UBE2O: variants seen among roughly 807,000 people sequenced by gnomAD.
UBE2O encodes the protein ubiquitin conjugating enzyme E2 O, also known as (E3-independent) E2 ubiquitin-conjugating enzyme.
UBE2O carries 15 observed loss-of-function variants against 125.8 expected under a neutral mutation model. The observed-to-expected ratio is 0.12, with a 90% CI of 0.08 to 0.18. The LOEUF (loss-of-function observed/expected upper bound fraction) is 0.18. Among genes scored for constraint, UBE2O ranks in the 10% least tolerant of loss-of-function variants. UBE2O has a pLI of 1.00. For synonymous variants in UBE2O, 708 were observed against 703.2 expected (o/e 1.01, Z -0.11); for missense variants, 1,280 against 1,723.6 (o/e 0.74, Z 4.56).
At position 76,395,433 on chromosome 17, in the gene UBE2O, C is replaced by T. The variant is rs2072189926; in HGVS notation, c.2946+292G>A. 1 of 251,620 alleles carries T rather than the reference C, an allele frequency of 4.0e-6. No homozygotes were observed. The highest frequency in any genetic ancestry group is 7.6e-6 in the Non-Finnish European group (1 of 132,278). 15.6% of individuals were successfully genotyped at this position (251,620 alleles called of 1,614,324 possible). On this transcript the variant is annotated intron_variant, in intron 15 of 17. Transcript: ENST00000319380. This position sits in a 1 kb window ranked among gnomAD's most constrained non-coding sequence, Gnocchi z 5.0. ...GGTCTCGATCTCCTGACCTCGTGAT[C>T]CACCCACCTCGGCCTCCCAAAGTGC... is the stretch of plus-strand genomic sequence containing the variant.
chr17:76,420,740 G>A (rs948059362), intron 1 of UBE2O, among the ~76,000 whole-genome samples: 3 of 152,198 alleles, frequency 2.0e-5, no homozygotes, highest in Non-Finnish European at 2.9e-5. Flanking sequence ...CTGGGATCGA[G>A]TGCAAGCTGG....
intron 1 of UBE2O, among the ~76,000 whole-genome samples, chr17:76,451,078 T>C (rs1220155973): frequency 1.3e-5 from 2 of 152,160 alleles, no homozygotes; most frequent in Non-Finnish European, 2.9e-5. Context: ...CTCCCAGTAG[T>C]GAGCTGGGCC....
At chr17:76,437,590 C>CT (rs987424556) in intron 1 of UBE2O, among the ~76,000 whole-genome samples, 7 of 151,872 alleles carry the variant, frequency 4.6e-5, no homozygotes, top group African/African-American at 1.5e-4. Flanking sequence ...ATGTTAATAT[C>CT]TTTTTTGCGA....
At chr17:76,416,496 CAGG>C in intron 1 of UBE2O, among the ~76,000 whole-genome samples, 1 of 152,278 alleles carries the variant, frequency 6.6e-6, no homozygotes, top group Non-Finnish European at 1.5e-5. Context: ...CTATGCTCCC[CAGG>C]AGAAGAGGAG....
chr17:76,411,356 T>A (rs2072512638), intron 1 of UBE2O, among the ~76,000 whole-genome samples: 1 of 152,204 alleles, frequency 6.6e-6, no homozygotes, highest in Admixed American at 6.5e-5. Context: ...TAGGAGCGGA[T>A]GGCTCCTAAA....
chr17:76,393,083 AC>A (rs1051834412), intron 15 of UBE2O, among the ~76,000 whole-genome samples: 3 of 151,360 alleles, frequency 2.0e-5, no homozygotes, highest in African/African-American at 7.3e-5. Context: ...ACATAGTGGG[AC>A]CCTATCTCTA....
At position 76,404,795 on chromosome 17, in the gene UBE2O, G is replaced by A. The variant is rs1384320872; in HGVS notation, c.588+411C>T. Among the ~76,000 whole-genome samples, 1 of 152,076 alleles carries A rather than the reference G, an allele frequency of 6.6e-6. No homozygotes were observed. The highest frequency in any genetic ancestry group is 1.5e-5 in the Non-Finnish European group (1 of 68,026). On this transcript the variant is annotated intron_variant, in intron 3 of 17. Coordinates refer to ENST00000319380, the MANE Select transcript of UBE2O (RefSeq NM_022066.4). The surrounding 1 kb of genome is among the most constrained non-coding windows in gnomAD (Gnocchi z 4.3). ...GGGGGATCTCGGGGAAAAGGAGGGAGGGAAGGTGATGGAGCAAACGAAGTG... is the reference window on the plus strand; with the variant it reads ...GGGGGATCTCGGGGAAAAGGAGGGAAGGAAGGTGATGGAGCAAACGAAGTG...
rs115247474 is a variant in UBE2O at position 76,413,094 on chromosome 17, C to A, written c.418-7522G>T. Among the ~76,000 whole-genome samples, 531 of 152,270 alleles carry A rather than the reference C, an allele frequency of 3.5e-3. 9 individuals are homozygous for A. Among genetic ancestry groups the A allele is most frequent in the African/African-American group, 0.012 (489 of 41,562 alleles). ...GTGGAAGCAGGAAACCTTGCTGAGGCCTAGGATCCCACTTTTTTAGTGATT... is the reference window on the plus strand; with the variant it reads ...GTGGAAGCAGGAAACCTTGCTGAGGACTAGGATCCCACTTTTTTAGTGATT... On this transcript the variant is annotated intron_variant, in intron 1 of 17. Transcript: ENST00000319380.
At chr17:76,430,843 G>A in intron 1 of UBE2O, 1 of 386,364 alleles carries the variant, frequency 2.6e-6, no homozygotes, top group South Asian at 2.2e-5. Context: ...TGATACCTCT[G>A]ACCCTGATGA....
At position 76,426,227 on chromosome 17, in the gene UBE2O, C is replaced by A. The variant is rs528435498; in HGVS notation, c.418-20655G>T. On this transcript the variant is annotated intron_variant, in intron 1 of 17. Transcript: ENST00000319380. ...CCATGTTTCCCAGGCTGGTCTCGAA[C>A]GGGGCTCAAGCGATCCTCCTGTCTT... 5.9e-5 allele frequency among the ~76,000 whole-genome samples: 9 copies of A among 152,276 alleles called. No homozygotes were observed. The South Asian group carries it at 1.9e-3, about 32-fold the overall frequency.
chr17:76,433,506 T>C (rs1391451167), intron 1 of UBE2O, among the ~76,000 whole-genome samples: 1 of 151,254 alleles, frequency 6.6e-6, no homozygotes, highest in Non-Finnish European at 1.5e-5. Flanking sequence ...TAAAATTAGA[T>C]AGCGGTGATG....
At chr17:76,438,355 T>A (rs1363082278) in intron 1 of UBE2O, among the ~76,000 whole-genome samples, 1 of 152,080 alleles carries the variant, frequency 6.6e-6, no homozygotes, top group Non-Finnish European at 1.5e-5. Flanking sequence ...CATATTTTAC[T>A]ACAATTAAAA....
At chr17:76,393,626 G>A (rs1454127514) in intron 15 of UBE2O, among the ~76,000 whole-genome samples, 1 of 152,184 alleles carries the variant, frequency 6.6e-6, no homozygotes, top group Non-Finnish European at 1.5e-5. Context: ...GCAGTTTCAA[G>A]CTGAAAGGCA....
At chr17:76,407,038 G>A (rs1467133443) in intron 1 of UBE2O, among the ~76,000 whole-genome samples, 2 of 152,138 alleles carry the variant, frequency 1.3e-5, no homozygotes, top group South Asian at 2.1e-4. Context: ...GTCCTTAAAC[G>A]CAGGGTTCTT....
rs372330416 is a variant in UBE2O, at chr17:76,398,862, A to G, written c.1758T>C (p.Pro586=). ...CTCGCTTATCTACCACGAAGTCTCC[A>G]GGGCAGAACTCGTTGTTGTCCAGGT... ...VHHLDNNEFC[P]GDFVVDKRVQ... The change falls in exon 10 of 18, where the codon CCT becomes CCC. Residue 586 remains proline (P), a synonymous_variant. Transcript: ENST00000319380. This position sits in a 1 kb window ranked among gnomAD's most constrained non-coding sequence, Gnocchi z 5.4. 62 of 1,613,998 alleles carry G rather than the reference A, an allele frequency of 3.8e-5. No individual in the cohort carries two copies. The African/African-American group carries it at 7.1e-4, about 18-fold the overall frequency.
chr17:76,426,775 G>A (rs953904623), intron 1 of UBE2O, among the ~76,000 whole-genome samples: 9 of 152,158 alleles, frequency 5.9e-5, no homozygotes, highest in African/African-American at 1.2e-4. Context: ...AATTAGTGAC[G>A]ATCACTTTCA....
In UBE2O at chr17:76,399,503, C is replaced by A. The variant is rs866338436; in HGVS notation, c.1574G>T (p.Arg525Leu). The change falls in exon 9 of 18, where the codon CGC (arginine) becomes CTC (leucine). Residue 525 changes from arginine (R) to leucine (L), a missense_variant. Coordinates refer to ENST00000319380, the MANE Select transcript of UBE2O (RefSeq NM_022066.4). The surrounding 1 kb of genome is among the most constrained non-coding windows in gnomAD (Gnocchi z 6.9). The part of the protein sequence containing the change: ...SIPLSIKNLK[R>L]KHKRKKNKIT... ...TTTATTCTTCTTCCTCTTGTGTTTGCGCTTTAAGTTCTTGATGGACAAGGG... is the reference window on the plus strand; with the variant it reads ...TTTATTCTTCTTCCTCTTGTGTTTGAGCTTTAAGTTCTTGATGGACAAGGG... 1.9e-6 allele frequency: 3 copies of A among 1,614,204 alleles called. No individual in the cohort carries two copies. In the East Asian group the frequency reaches 6.7e-5, roughly 36 times the overall value.
chr17:76,420,721 C>A (rs748935807), intron 1 of UBE2O, among the ~76,000 whole-genome samples: 1 of 152,184 alleles, frequency 6.6e-6, no homozygotes, highest in Non-Finnish European at 1.5e-5. Context: ...GGAAGAGACA[C>A]AAGACGTCCT....
chr17:76,431,476 C>T (rs1285279864), intron 1 of UBE2O, among the ~76,000 whole-genome samples: 1 of 152,204 alleles, frequency 6.6e-6, no homozygotes, highest in Non-Finnish European at 1.5e-5. Context: ...AGATCGCACT[C>T]CAGCCTGGGC....
Sources: gnomAD v4.1 joint callset for allele counts (sites outside exome capture counted in the v4.1 genomes callset) on GRCh38, gnomAD v4.1.1 for gene constraint, Gnocchi (gnomAD v3.1) non-coding constraint, MANE v1.5 for transcripts, NCBI Gene and HGNC (gene_info 2026-07-23, HGNC 2026-07-21) for gene names.